The following CSPP1 variants were observed in gnomAD, a reference collection of about 807,000 sequenced individuals.
CSPP1 encodes the protein centrosome and spindle pole-associated protein 1.
Under a neutral mutation model 164.4 loss-of-function variants are expected in CSPP1, and 126 were observed. The observed-to-expected ratio is 0.77, with a 90% CI of 0.66 to 0.89. CSPP1 has a LOEUF of 0.89. CSPP1 is among the 40% of genes least tolerant of loss of function. CSPP1 has a pLI of 0.00. For synonymous variants in CSPP1, 472 were observed against 476.7 expected (o/e 0.99, Z 0.13); for missense variants, 1,395 against 1,449.8 (o/e 0.96, Z 0.61).
At chr8:67,129,929 G>A (rs192482289) in intron 15 of CSPP1, among the ~76,000 whole-genome samples, 116 of 152,178 alleles carry the variant, frequency 7.6e-4, no homozygotes, top group Middle Eastern at 3.4e-3. Context: ...GGTGATGATC[G>A]CACAACTCTA....
At chr8:67,155,871 T>G (rs1826571745) in intron 19 of CSPP1, among the ~76,000 whole-genome samples, 1 of 151,986 alleles carries the variant, frequency 6.6e-6, no homozygotes, top group African/African-American at 2.4e-5. Context: ...TGGGTGACAG[T>G]GGAAATGGGT....
intron 28 of CSPP1, among the ~76,000 whole-genome samples, chr8:67,186,930 A>C (rs1834761536): frequency 6.6e-6 from 1 of 152,198 alleles, no homozygotes; most frequent in Non-Finnish European, 1.5e-5. Context: ...CACTTACATT[A>C]GCATTCCCCC....
intron 28 of CSPP1, among the ~76,000 whole-genome samples, chr8:67,188,362 C>T (rs1586894497): frequency 1.3e-5 from 2 of 152,158 alleles, no homozygotes; most frequent in East Asian, 1.9e-4. Flanking sequence ...CCTTTAAACA[C>T]AGGGCTTGTA....
intron 23 of CSPP1, 95 bp downstream of exon 23, chr8:67,163,893 G>T: frequency 1.0e-6 from 1 of 970,362 alleles, no homozygotes; most frequent in Non-Finnish European, 1.6e-6. Flanking sequence ...TGCAGAAACA[G>T]TATAGAGCGG....
In CSPP1 at chr8:67,076,413, T is replaced by C. The variant is rs560465648; in HGVS notation, c.100-69T>C. The C allele has an allele frequency of 2.9e-5, 23 of 780,464 alleles. No homozygotes were observed. The African/African-American group carries it at 3.4e-4, about 12-fold the overall frequency. 48.3% of individuals were successfully genotyped at this position (780,464 alleles called of 1,614,324 possible). ...TTTCATCAAGCTGTTTAATTAAAAT[T>C]TGAGATGAGTTGTATATTTCATGGT... On this transcript the variant is annotated intron_variant, in intron 2 of 30. Coordinates refer to ENST00000678616, the MANE Select transcript of CSPP1 (RefSeq NM_001382391.1).
At chr8:67,108,731 A>T (rs1816185272) in intron 9 of CSPP1, among the ~76,000 whole-genome samples, 2 of 152,116 alleles carry the variant, frequency 1.3e-5, no homozygotes, top group South Asian at 4.1e-4. Context: ...CTTTCTCAAC[A>T]TTACTGTCCT....
At chr8:67,180,997 A>C (rs1279351184) in intron 28 of CSPP1, among the ~76,000 whole-genome samples, 1 of 151,936 alleles carries the variant, frequency 6.6e-6, no homozygotes, top group Non-Finnish European at 1.5e-5. Flanking sequence ...CATGTGATAA[A>C]ATTCCAAATT....
intron 24 of CSPP1, among the ~76,000 whole-genome samples, chr8:67,166,614 C>T (rs1318002314): frequency 1.3e-5 from 2 of 152,078 alleles, no homozygotes; most frequent in African/African-American, 4.8e-5. Flanking sequence ...TCAATACGTT[C>T]CAAGCAATTG....
intron 1 of CSPP1, among the ~76,000 whole-genome samples, chr8:67,072,596 C>T (rs759408362): frequency 5.3e-5 from 8 of 151,514 alleles, no homozygotes; most frequent in Non-Finnish European, 8.8e-5. Flanking sequence ...TTTGGGAGGC[C>T]GAGGCAGGAG....
chr8:67,109,128 A>G (rs1816288252), intron 9 of CSPP1, among the ~76,000 whole-genome samples: 1 of 152,226 alleles, frequency 6.6e-6, no homozygotes, highest in African/African-American at 2.4e-5. Context: ...GCTATAATCA[A>G]GGTATCCGCC....
intron 7 of CSPP1, among the ~76,000 whole-genome samples, chr8:67,096,647 T>C (rs1005656554): frequency 1.3e-5 from 2 of 150,286 alleles, no homozygotes; most frequent in South Asian, 4.2e-4. Flanking sequence ...GGCAGATCAC[T>C]TGAGGTCAGG....
In CSPP1 at chr8:67,095,409, A is replaced by G; in HGVS notation, c.600A>G (p.Ser200=). Residue 200 remains serine, a synonymous_variant, in exon 7 of 31, where the codon TCA becomes TCG. Transcript: ENST00000678616. ...CTAGAAAAGATGTCTTAACTCCTTC[A>G]GAGGCATATGAAGAACTTCTGAACC... ...EGPRKDVLTP[S]EAYEELLNQR... is the part of the protein sequence containing the mutation. 1 of 1,613,454 alleles carries G rather than the reference A, an allele frequency of 6.2e-7. No homozygotes were observed. The highest frequency in any genetic ancestry group is 8.5e-7 in the Non-Finnish European group (1 of 1,179,730).
At chr8:67,105,707 C>A (rs1815359325) in intron 8 of CSPP1, among the ~76,000 whole-genome samples, 198 bp from the exon 9 acceptor site, 1 of 152,078 alleles carries the variant, frequency 6.6e-6, no homozygotes, top group Non-Finnish European at 1.5e-5. Flanking sequence ...TTTTTTAAGC[C>A]TGAATACATT....
chr8:67,100,787 GAA>G (rs1813908013), intron 7 of CSPP1, among the ~76,000 whole-genome samples: 2 of 141,368 alleles, frequency 1.4e-5, no homozygotes, highest in Admixed American at 1.4e-4. Flanking sequence ...TATTATTAAA[GAA>G]TATATATATA....
chr8:67,161,542 A>G (rs911344501), intron 21 of CSPP1, among the ~76,000 whole-genome samples: 1 of 151,398 alleles, frequency 6.6e-6, no homozygotes, highest in East Asian at 1.9e-4. Context: ...TTGTTGCTTT[A>G]CTTGTGTTTG....
In CSPP1 at chr8:67,177,823, G is replaced by A. The variant is rs1275913051; in HGVS notation, c.3156+97G>A. On this transcript the variant is annotated intron_variant, in intron 27 of 30. Coordinates refer to ENST00000678616, the MANE Select transcript of CSPP1 (RefSeq NM_001382391.1). ...GTAATTCAAATTTTGAATTATTCAG[G>A]AATATTGAATTAAGAACGTAAGTCT... is the stretch of plus-strand genomic sequence containing the variant. 38 of 856,728 alleles carry A rather than the reference G, an allele frequency of 4.4e-5. No homozygotes were observed. In the Admixed American group the frequency reaches 6.3e-4, roughly 14 times the overall value. The allele number at this position is 856,728 out of a possible 1,614,324, so 53.1% of individuals were successfully genotyped here. A position where few individuals can be genotyped will look rare whatever the true frequency, so the allele number is the denominator to read the frequency against.
intron 16 of CSPP1, among the ~76,000 whole-genome samples, chr8:67,133,334 A>G (rs1821617449): frequency 6.6e-6 from 1 of 152,238 alleles, no homozygotes; most frequent in Non-Finnish European, 1.5e-5. Flanking sequence ...TTTGTGCTTA[A>G]TACAGCTTTA....
chr8:67,147,567 C>G (rs959999800), intron 17 of CSPP1, among the ~76,000 whole-genome samples: 1 of 152,072 alleles, frequency 6.6e-6, no homozygotes, highest in East Asian at 1.9e-4. Flanking sequence ...CCCCACCACC[C>G]CATGCCACAT....
At chr8:67,151,815 T>G (rs895258934) in intron 18 of CSPP1, among the ~76,000 whole-genome samples, 1 of 151,900 alleles carries the variant, frequency 6.6e-6, no homozygotes, top group African/African-American at 2.4e-5. Context: ...ATTGGCTGGG[T>G]GCAGTGGCTC....
Sources: gnomAD v4.1 joint callset for allele counts (sites outside exome capture counted in the v4.1 genomes callset) on GRCh38, gnomAD v4.1.1 for gene constraint, MANE v1.5 for transcripts, NCBI Gene and HGNC (gene_info 2026-07-23, HGNC 2026-07-21) for gene names.